Variants in ANK3 observed in about 807,000 individuals in gnomAD.
ANK3 encodes the protein ankyrin 3.
Under a neutral mutation model 370.9 loss-of-function variants are expected in ANK3, and 57 were observed. The ratio of observed to expected loss-of-function variants is 0.15; its 90% CI spans 0.12 to 0.19. The LOEUF is 0.19. Ranked by LOEUF, ANK3 falls within the 10% of genes least tolerant of loss-of-function variation. The pLI is 1.00. For synonymous variants in ANK3, 1,929 were observed against 1,946.3 expected, an observed-to-expected ratio of 0.99 and a Z score of 0.23; for missense variants, 4,439 against 5,302.1, an observed-to-expected ratio of 0.84 and a Z score of 5.06.
chr10:60,077,261 G>C (rs147290897), intron 36 of ANK3, among the ~76,000 whole-genome samples: 1 of 152,080 alleles, frequency 6.6e-6, no homozygotes, highest in Non-Finnish European at 1.5e-5. Flanking sequence ...CTTTTGATGA[G>C]AGGAAAAGAA....
intron 8 of ANK3, among the ~76,000 whole-genome samples, chr10:60,214,362 T>A (rs1175603465): frequency 6.6e-6 from 1 of 152,120 alleles, no homozygotes; most frequent in Non-Finnish European, 1.5e-5. Context: ...CTTAATGATC[T>A]TTTTTTGTCT....
chr10:60,113,661 G>T (rs1223267585), intron 26 of ANK3, among the ~76,000 whole-genome samples: 1 of 152,172 alleles, frequency 6.6e-6, no homozygotes, highest in Non-Finnish European at 1.5e-5. Flanking sequence ...AGTAAGCTAA[G>T]ACTGCACCAC....
chr10:60,711,658 T>A (rs2079709905), intron 1 of ANK3, among the ~76,000 whole-genome samples: 2 of 151,914 alleles, frequency 1.3e-5, no homozygotes, highest in Admixed American at 1.3e-4. Context: ...AAAGAAATAT[T>A]TGAAGAGATA....
intron 7 of ANK3, among the ~76,000 whole-genome samples, chr10:60,240,012 T>TAC (rs1565910858): frequency 1.8e-4 from 1 of 5,506 alleles, no homozygotes; most frequent in South Asian, 0.017. Flanking sequence ...TGTGAATATA[T>TAC]ACACATATAT....
chr10:60,266,411 A>T (rs2097880567), intron 5 of ANK3, among the ~76,000 whole-genome samples: 1 of 152,204 alleles, frequency 6.6e-6, no homozygotes, highest in Admixed American at 6.6e-5. Flanking sequence ...AAAAAAGAAA[A>T]TATGCATTGT....
intron 5 of ANK3, 131 bp from the exon 6 acceptor site, chr10:60,264,151 T>G: frequency 4.4e-6 from 3 of 679,992 alleles, no homozygotes; most frequent in Non-Finnish European, 4.8e-6. Flanking sequence ...AACAACATAT[T>G]TGAATGGACA....
intron 43 of ANK3, among the ~76,000 whole-genome samples, chr10:60,032,219 T>TTTTTTTTTTTTTTTA (rs2073819598): frequency 7.8e-6 from 1 of 127,630 alleles, no homozygotes; most frequent in South Asian, 2.5e-4. Flanking sequence ...TTTTTTTTTT[T>TTTTTTTTTTTTTTTA]GAGACGAAGT....
At chr10:60,451,970 C>T (rs148427008) in intron 2 of ANK3, among the ~76,000 whole-genome samples, 12 of 152,340 alleles carry the variant, frequency 7.9e-5, no homozygotes, top group African/African-American at 2.9e-4. Flanking sequence ...AGTGGAGTCT[C>T]ACCAGCACAT....
chr10:60,235,643 C>G (rs533179865), intron 7 of ANK3, among the ~76,000 whole-genome samples: 75 of 150,626 alleles, frequency 5.0e-4, no homozygotes, highest in African/African-American at 1.7e-3. Context: ...TCCAACGATC[C>G]TCTCGCCTCA....
intron 2 of ANK3, among the ~76,000 whole-genome samples, chr10:60,466,374 C>T (rs914465758): frequency 1.3e-5 from 2 of 152,138 alleles, no homozygotes; most frequent in African/African-American, 4.8e-5. Flanking sequence ...CAATAACGCC[C>T]TAATCACTTT....
chr10:60,368,512 A>G (rs992829717), intron 1 of ANK3, among the ~76,000 whole-genome samples: 3 of 152,162 alleles, frequency 2.0e-5, no homozygotes, highest in South Asian at 4.1e-4. Context: ...ACATGTATTG[A>G]TCATCTACGC....
rs770761671 is a variant in ANK3, at chr10:60,074,403, G to A, written c.6478C>T (p.Pro2160Ser). Residue 2160 changes from proline (P) to serine (S), a missense_variant, in exon 37 of 44, where the codon CCT becomes TCT. Pro to Ser is a moderately conservative substitution (Grantham distance 74, BLOSUM62 -1). Transcript: ENST00000280772. ...KPLFHEVPIP[P>S]VITETRTEVV... Reference sequence around the variant, plus strand: ...TCAGTTCTTGTTTCTGTAATGACAGGAGGGATGGGAACTTCATGAAAAAGT... The same window carrying A: ...TCAGTTCTTGTTTCTGTAATGACAGAAGGGATGGGAACTTCATGAAAAAGT... The A allele has an allele frequency of 9.3e-6, 15 of 1,614,100 alleles. No homozygotes were observed. Among genetic ancestry groups the A allele is most frequent in the South Asian group, 2.2e-5 (2 of 91,064 alleles).
At chr10:60,602,757 T>G in intron 2 of ANK3, among the ~76,000 whole-genome samples, 1 of 152,098 alleles carries the variant, frequency 6.6e-6, no homozygotes, top group African/African-American at 2.4e-5. Context: ...ACAGATTACA[T>G]TTAGGCAGAT....
intron 2 of ANK3, among the ~76,000 whole-genome samples, chr10:60,532,455 C>G (rs1386077148): frequency 6.6e-6 from 1 of 151,744 alleles, no homozygotes; most frequent in Non-Finnish European, 1.5e-5. Flanking sequence ...ACTTCTCAAA[C>G]CTTTAGAGTC....
At chr10:60,605,309 G>A (rs1338897777) in intron 2 of ANK3, among the ~76,000 whole-genome samples, 1 of 151,982 alleles carries the variant, frequency 6.6e-6, no homozygotes, top group Admixed American at 6.6e-5. Context: ...AGGGAAAGCA[G>A]GCCAGGTGCA....
intron 2 of ANK3, among the ~76,000 whole-genome samples, chr10:60,590,731 G>A (rs763836813): frequency 4.6e-5 from 7 of 152,114 alleles, no homozygotes; most frequent in South Asian, 2.1e-4. Flanking sequence ...CATAGTATTC[G>A]CATATAACCT....
At chr10:60,661,151 T>C (rs1213069920) in intron 1 of ANK3, among the ~76,000 whole-genome samples, 3 of 150,644 alleles carry the variant, frequency 2.0e-5, no homozygotes, top group African/African-American at 4.9e-5. Flanking sequence ...GGAGAGGAAG[T>C]GTTTTGGTTT....
In ANK3 at chr10:60,064,259, C is replaced by T. The variant is rs1380380971; in HGVS notation, c.12349G>A (p.Asp4117Asn). 2 of 1,577,422 alleles carry T rather than the reference C, an allele frequency of 1.3e-6. No homozygotes were observed. The highest frequency in any genetic ancestry group is 1.4e-5 in the African/African-American group (1 of 72,332). Reference sequence around the variant, plus strand: ...TCCACACGTATTTGATTGATTTCATCCACTGAAAAATTCAGTTCCCTTGCC... The same window carrying T: ...TCCACACGTATTTGATTGATTTCATTCACTGAAAAATTCAGTTCCCTTGCC... ...ELARELNFSV[D>N]EINQIRVENP... Residue 4117 changes from aspartate to asparagine, a missense_variant, in exon 39 of 44, where the codon GAT becomes AAT. Asp to Asn is a conservative substitution (Grantham distance 23, BLOSUM62 1). Transcript: ENST00000280772.
chr10:60,705,082 C>A (rs1376989015), intron 1 of ANK3, among the ~76,000 whole-genome samples: 1 of 152,086 alleles, frequency 6.6e-6, no homozygotes, highest in African/African-American at 2.4e-5. Context: ...CTATGAATAT[C>A]ATTATTTGAC....
Sources: allele counts gnomAD v4.1 joint callset (sites outside exome capture counted in the v4.1 genomes callset), GRCh38; gene constraint gnomAD v4.1.1; transcripts MANE v1.5; gene names NCBI Gene and HGNC (gene_info 2026-07-23, HGNC 2026-07-21).